Variants in SGIP1 observed in about 807,000 individuals in gnomAD.
SGIP1 encodes the protein SH3GL interacting endocytic adaptor 1.
In SGIP1, 38 loss-of-function variants were observed where a neutral mutation model predicts 107.5. That is an observed-to-expected ratio of 0.35 (90% CI 0.27 to 0.46). The LOEUF is 0.46. Among genes scored for constraint, SGIP1 ranks in the 20% least tolerant of loss-of-function variants. The pLI is 1.00. For missense variants in SGIP1, 929 were observed against 1,019.5 expected (o/e 0.91, Z 1.21); for synonymous variants, 365 against 366.1 (o/e 1.00, Z 0.03).
At chr1:66,539,544 C>T (rs2054400156) in intron 1 of SGIP1, among the ~76,000 whole-genome samples, 1 of 152,188 alleles carries the variant, frequency 6.6e-6, no homozygotes, top group African/African-American at 2.4e-5. Context: ...AAGAAAACTT[C>T]TATATCTTCC....
chr1:66,735,232 T>C (rs1329991416), intron 21 of SGIP1, among the ~76,000 whole-genome samples: 2 of 151,744 alleles, frequency 1.3e-5, no homozygotes, highest in Non-Finnish European at 2.9e-5. Context: ...ATTTAGTTTT[T>C]TGAGATGAAG....
chr1:66,715,316 G>C (rs2093172611), intron 18 of SGIP1, among the ~76,000 whole-genome samples: 1 of 152,158 alleles, frequency 6.6e-6, no homozygotes, highest in Non-Finnish European at 1.5e-5. Context: ...GGGATGTGAA[G>C]AAATTAGGGT....
At position 66,653,851 on chromosome 1, in the gene SGIP1, A is replaced by G. The variant is rs370022869; in HGVS notation, c.460-6662A>G. The stretch of plus-strand genomic sequence containing the variant: ...TTAGTAGCATTTAGAATTTAAAACT[A>G]TTTTGATTAGCTAAGGGCCATAGTC... On this transcript the variant is annotated intron_variant, in intron 7 of 24. Coordinates refer to ENST00000371037, the MANE Select transcript of SGIP1 (RefSeq NM_032291.4). Among the ~76,000 whole-genome samples the G allele has an allele frequency of 7.2e-5, 11 of 152,318 alleles. 1 individual carries two copies. The East Asian group carries it at 1.7e-3, about 24-fold the overall frequency.
At chr1:66,621,733 C>G (rs990444242) in intron 1 of SGIP1, among the ~76,000 whole-genome samples, 2 of 152,198 alleles carry the variant, frequency 1.3e-5, no homozygotes, top group Non-Finnish European at 2.9e-5. Context: ...CTTCATTTAG[C>G]ATAGTATTTT....
At chr1:66,656,154 A>G (rs1170904781) in intron 7 of SGIP1, among the ~76,000 whole-genome samples, 1 of 150,054 alleles carries the variant, frequency 6.7e-6, no homozygotes, top group Non-Finnish European at 1.5e-5. Flanking sequence ...TGAGACACAA[A>G]CACAAACATT....
chr1:66,550,436 G>C (rs186855753), intron 1 of SGIP1, among the ~76,000 whole-genome samples: 141 of 151,988 alleles, frequency 9.3e-4, no homozygotes, highest in South Asian at 2.3e-3. Flanking sequence ...TATTTGCCCT[G>C]TAACTTGCCA....
chr1:66,614,543 T>C (rs11208922), intron 1 of SGIP1, among the ~76,000 whole-genome samples: 77,813 of 152,058 alleles, frequency 0.51, 20,888 homozygotes, highest in East Asian at 0.87. Context: ...CCTTTAAAAC[T>C]TTTTATTTCT....
intron 18 of SGIP1, among the ~76,000 whole-genome samples, chr1:66,714,306 A>T (rs938583617): frequency 6.6e-6 from 1 of 151,986 alleles, no homozygotes; most frequent in East Asian, 1.9e-4. Context: ...AGTCTATATG[A>T]CTCTAGAGTC....
chr1:66,621,026 C>T (rs922191340), intron 1 of SGIP1, among the ~76,000 whole-genome samples: 45 of 152,164 alleles, frequency 3.0e-4, no homozygotes, highest in African/African-American at 1.0e-3. Flanking sequence ...GATGGAGCTG[C>T]TGACTTCATG....
At chr1:66,555,514 G>A (rs961498592) in intron 1 of SGIP1, among the ~76,000 whole-genome samples, 2 of 152,038 alleles carry the variant, frequency 1.3e-5, no homozygotes, top group African/African-American at 4.8e-5. Flanking sequence ...TACAATCCCA[G>A]GCTCATAATA....
chr1:66,650,334 T>G (rs1013380727), intron 7 of SGIP1, among the ~76,000 whole-genome samples: 10 of 152,198 alleles, frequency 6.6e-5, no homozygotes, highest in African/African-American at 2.4e-4. Context: ...TCATTGTGCA[T>G]CATGGATAAT....
At chr1:66,551,497 G>T (rs956223458) in intron 1 of SGIP1, among the ~76,000 whole-genome samples, 1 of 152,086 alleles carries the variant, frequency 6.6e-6, no homozygotes, top group Non-Finnish European at 1.5e-5. Context: ...AAAGGTTGTA[G>T]TTCCCAACTT....
intron 1 of SGIP1, among the ~76,000 whole-genome samples, chr1:66,560,661 T>A (rs889622061): frequency 2.0e-5 from 3 of 152,004 alleles, no homozygotes; most frequent in African/African-American, 7.2e-5. Context: ...ATGCATTGAG[T>A]GTAACTTTTT....
intron 1 of SGIP1, among the ~76,000 whole-genome samples, chr1:66,559,813 G>A (rs74795988): frequency 3.3e-5 from 5 of 152,194 alleles, no homozygotes; most frequent in East Asian, 1.9e-4. Flanking sequence ...ATTTAGCCGG[G>A]GGGGTGGATG....
rs943584051 is a variant in SGIP1 at position 66,647,750 on chromosome 1, T to C, written c.459+4031T>C. ...CTAACAACAGGTTGAACAGAGACAC[T>C]CCAGTGTCCCTCTGTTTATGCAGGT... On this transcript the variant is annotated intron_variant, in intron 7 of 24. Coordinates refer to ENST00000371037, the MANE Select transcript of SGIP1 (RefSeq NM_032291.4). Among the ~76,000 whole-genome samples, 4 of 152,194 alleles carry C rather than the reference T, an allele frequency of 2.6e-5. No homozygotes were observed. The South Asian group carries it at 6.2e-4, about 24-fold the overall frequency.
intron 18 of SGIP1, among the ~76,000 whole-genome samples, chr1:66,708,522 T>C (rs2092684998): frequency 6.6e-6 from 1 of 152,202 alleles, no homozygotes; most frequent in South Asian, 2.1e-4. Context: ...TATGACTTTG[T>C]CTTCTGTCTT....
At chr1:66,584,321 A>G (rs2062236485) in intron 1 of SGIP1, among the ~76,000 whole-genome samples, 1 of 152,296 alleles carries the variant, frequency 6.6e-6, no homozygotes, top group African/African-American at 2.4e-5. Context: ...GGATTCTCCA[A>G]TACCTAGATA....
At chr1:66,723,413 C>T (rs538297905) in intron 19 of SGIP1, among the ~76,000 whole-genome samples, 3 of 152,286 alleles carry the variant, frequency 2.0e-5, no homozygotes, top group Admixed American at 6.5e-5. Flanking sequence ...AAGACTTTCT[C>T]AGTAGCTCAC....
In SGIP1 at chr1:66,689,171, G is replaced by T. The variant is rs2089254442; in HGVS notation, c.1339G>T (p.Ala447Ser). The change falls in exon 16 of 25, where the codon GCC becomes TCC. Residue 447 changes from alanine to serine, a missense_variant. Around this residue, in one of 2 missense-constraint regions of SGIP1, gnomAD observed 588 missense variants for 588.6 expected, o/e 1.00. Transcript: ENST00000371037. ...AGGTGCATCATCCCCTGCTCGACCA[G>T]CCACTCCTTTGGTTCCTTGCAGAAG... ...TSGASSPARPATPLVPCRSTT... is the reference protein window; with the variant it reads ...TSGASSPARPSTPLVPCRSTT... 22 of 1,613,306 alleles carry T rather than the reference G, an allele frequency of 1.4e-5. No homozygotes were observed. The Middle Eastern group carries it at 5.0e-4, about 36-fold the overall frequency.
Sources: gnomAD v4.1 joint callset for allele counts (sites outside exome capture counted in the v4.1 genomes callset) on GRCh38, gnomAD v4.1.1 for gene constraint, gnomAD v4.1.1 regional missense constraint, MANE v1.5 for transcripts, NCBI Gene and HGNC (gene_info 2026-07-23, HGNC 2026-07-21) for gene names.